MTMR10: variants seen among roughly 807,000 people sequenced by gnomAD.
MTMR10 encodes the protein myotubularin-related protein 10.
A neutral mutation model predicts 88.1 loss-of-function variants in MTMR10; 56 were observed. The ratio of observed to expected loss-of-function variants is 0.64; its 90% CI spans 0.51 to 0.79. MTMR10 has a LOEUF of 0.79. MTMR10 is among the 30% of genes least tolerant of loss of function. The pLI is 0.00. For synonymous variants in MTMR10, 380 were observed against 340.9 expected, an observed-to-expected ratio of 1.11 and a Z score of -1.26; for missense variants, 883 against 924.7, an observed-to-expected ratio of 0.95 and a Z score of 0.58.
intron 5 of MTMR10, among the ~76,000 whole-genome samples, chr15:30,972,063 A>C (rs1381593709): frequency 6.6e-6 from 1 of 152,212 alleles, no homozygotes; most frequent in Non-Finnish European, 1.5e-5. Context: ...TTTCAAAATG[A>C]ATCAACGGTT....
the MTMR10 span, chr15:30,920,696 G>C: frequency 8.5e-7 from 1 of 1,181,724 alleles, no homozygotes; most frequent in South Asian, 1.3e-5. Context: ...CTGATGTGAT[G>C]GCGTTAAACA....
chr15:30,951,848 T>C (rs1457955603), intron 12 of MTMR10, 120 bp downstream of exon 12: 1 of 808,364 alleles, frequency 1.2e-6, no homozygotes, highest in Non-Finnish European at 2.0e-6. Flanking sequence ...ATGTATTTGA[T>C]GGTACTGTAG....
intron 7 of MTMR10, among the ~76,000 whole-genome samples, chr15:30,959,479 A>T (rs958441917): frequency 1.3e-4 from 20 of 152,202 alleles, no homozygotes; most frequent in African/African-American, 4.8e-4. Flanking sequence ...AGAAAACCCC[A>T]CAAATCTACC....
At chr15:30,942,719 AG>A (rs2063095332) in intron 15 of MTMR10, 170 bp downstream of exon 15, 13 of 658,828 alleles carry the variant, frequency 2.0e-5, no homozygotes, top group Non-Finnish European at 3.1e-5. Context: ...CTCAGACACC[AG>A]GAAGAAAGCT....
chr15:30,930,284 A>G, the MTMR10 span, among the ~76,000 whole-genome samples: 1 of 151,890 alleles, frequency 6.6e-6, no homozygotes, highest in Admixed American at 6.6e-5. Context: ...CCTCTTCCTC[A>G]GCGCTCCCCA....
chr15:30,925,837 G>A, the MTMR10 span: 9 of 1,614,234 alleles, frequency 5.6e-6, no homozygotes, highest in East Asian at 2.0e-4. Flanking sequence ...GTGCAAGTCT[G>A]TGTTTGTGAT....
At chr15:30,925,062 C>T in the MTMR10 span, 1 of 1,516,058 alleles carries the variant, frequency 6.6e-7, no homozygotes, top group African/African-American at 1.4e-5. Flanking sequence ...TTCTGTCAAA[C>T]TAAATGCATG....
At chr15:30,926,795 C>T in the MTMR10 span, 2 of 985,260 alleles carry the variant, frequency 2.0e-6, no homozygotes, top group Admixed American at 6.2e-5. Context: ...TTCAGTTGAG[C>T]CATGAGCCTG....
intron 10 of MTMR10, among the ~76,000 whole-genome samples, chr15:30,953,967 G>T (rs1261809366): frequency 1.1e-4 from 17 of 152,164 alleles, no homozygotes; most frequent in Admixed American, 1.0e-3. Context: ...GAGGTCAGCT[G>T]CCCAGGCCCT....
intron 11 of MTMR10, among the ~76,000 whole-genome samples, chr15:30,952,762 G>A (rs2063267587): frequency 6.6e-6 from 1 of 152,064 alleles, no homozygotes; most frequent in African/African-American, 2.4e-5. Flanking sequence ...TGGAATTACT[G>A]GCATGAGCTA....
At chr15:30,960,155 T>C (rs2063381911) in intron 7 of MTMR10, among the ~76,000 whole-genome samples, 1 of 152,176 alleles carries the variant, frequency 6.6e-6, no homozygotes, top group Non-Finnish European at 1.5e-5. Context: ...GCAATGATCC[T>C]CCCTCCCAGT....
chr15:30,951,961 T>C lies in MTMR10; in HGVS notation c.1207+7A>G, dbSNP rs2063254016. ...GTCATGGTGCTTTCAGGAGTTACTTTAGTTACCTTGTAGGACTACAGAGAG... is the reference window on the plus strand; with the variant it reads ...GTCATGGTGCTTTCAGGAGTTACTTCAGTTACCTTGTAGGACTACAGAGAG... On this transcript the variant is annotated splice_region_variant and intron_variant, in intron 12 of 15. Transcript: ENST00000435680. The C allele has an allele frequency of 6.2e-7, 1 of 1,611,032 alleles. No individual in the cohort carries two copies. The highest frequency in any genetic ancestry group is 1.1e-5 in the South Asian group (1 of 91,016).
chr15:30,922,455 A>C, the MTMR10 span: 1 of 1,181,058 alleles, frequency 8.5e-7, no homozygotes, highest in Non-Finnish European at 1.2e-6. Context: ...TAATTAGAAC[A>C]TGTATTTCTT....
At chr15:30,942,458 T>C (rs1316176434) in intron 15 of MTMR10, 2 of 271,166 alleles carry the variant, frequency 7.4e-6, no homozygotes, top group African/African-American at 2.2e-5. Flanking sequence ...TACCTTTCAG[T>C]AGTCTGCAAA....
At chr15:30,965,916 A>C in intron 6 of MTMR10, 1 of 394,810 alleles carries the variant, frequency 2.5e-6, no homozygotes, top group South Asian at 1.9e-5. Context: ...CAATGAATCA[A>C]GGTGTCATCC....
chr15:30,946,548 G>A (rs2063173861), intron 14 of MTMR10: 1 of 570,962 alleles, frequency 1.8e-6, no homozygotes, highest in Non-Finnish European at 3.1e-6. Context: ...AAGGCTTCCT[G>A]AAGGTCCACA....
At chr15:30,930,619 G>A in the MTMR10 span, 21 of 1,612,830 alleles carry the variant, frequency 1.3e-5, no homozygotes, top group Non-Finnish European at 1.5e-5. Context: ...CGACACTGTC[G>A]AGGGGGCCTC....
chr15:30,942,166 T>C (rs1041566142), intron 15 of MTMR10, 94 bp from the exon 16 acceptor site: 2 of 1,392,926 alleles, frequency 1.4e-6, no homozygotes, highest in Non-Finnish European at 1.9e-6. Flanking sequence ...CTATGAAAAA[T>C]TAATGGAATT....
At chr15:30,965,370 C>T (rs769686611) in intron 6 of MTMR10, among the ~76,000 whole-genome samples, 2 of 152,194 alleles carry the variant, frequency 1.3e-5, no homozygotes, top group Non-Finnish European at 2.9e-5. Flanking sequence ...CAGATTACAT[C>T]ACAGCATCTG....
Sources: allele counts gnomAD v4.1 joint callset (sites outside exome capture counted in the v4.1 genomes callset), GRCh38; gene constraint gnomAD v4.1.1; transcripts MANE v1.5; gene names NCBI Gene and HGNC (gene_info 2026-07-23, HGNC 2026-07-21).